Variants in PDE7B observed in about 807,000 individuals in gnomAD.
The protein encoded by PDE7B is phosphodiesterase 7B.
In PDE7B, 29 loss-of-function variants were observed where a neutral mutation model predicts 56.2. The observed-to-expected ratio is 0.52, with a 90% CI of 0.38 to 0.70. The LOEUF is 0.70. Ranked by LOEUF, PDE7B falls within the 30% of genes least tolerant of loss-of-function variation. The probability of loss-of-function intolerance (pLI) is 0.00; values close to 1 mark genes in which losing one functional copy is unlikely to be tolerated. For synonymous variants in PDE7B, 197 were observed against 196.9 expected (o/e 1.00, Z 0.00); for missense variants, 490 against 565.0 (o/e 0.87, Z 1.35).
At chr6:136,095,869 TA>T (rs762934907) in intron 2 of PDE7B, 1 of 152,234 alleles carries the variant, frequency 6.6e-6, no homozygotes, top group Non-Finnish European at 1.5e-5. Context: ...TATTTTAAAC[TA>T]TTACCTAGCA....
rs552744832 is a variant in PDE7B at position 136,096,670 on chromosome 6, A to G, written c.83-12061A>G. On this transcript the variant is annotated intron_variant, in intron 2 of 12. Coordinates refer to ENST00000308191, the MANE Select transcript of PDE7B (RefSeq NM_018945.4). ...ATTAATAATATTTTTAGAAATTACT[A>G]TTATTCTTAAGATCAGCATAATTTT... Among the ~76,000 whole-genome samples the G allele has an allele frequency of 1.2e-4, 19 of 152,074 alleles. No homozygotes were observed. In the South Asian group the frequency reaches 3.7e-3, roughly 30 times the overall value.
intron 3 of PDE7B, among the ~76,000 whole-genome samples, chr6:136,127,818 A>C (rs920699558): frequency 2.0e-5 from 3 of 152,226 alleles, no homozygotes; most frequent in Non-Finnish European, 4.4e-5. Context: ...TCATGCTGAG[A>C]AATTTGCAAC....
intron 11 of PDE7B, among the ~76,000 whole-genome samples, chr6:136,184,022 T>C (rs2128451792): frequency 6.6e-6 from 1 of 152,344 alleles, no homozygotes; most frequent in Non-Finnish European, 1.5e-5. Context: ...TAACTACAGA[T>C]TGATATCATC....
intron 2 of PDE7B, among the ~76,000 whole-genome samples, chr6:135,950,877 G>A (rs990472842): frequency 2.6e-5 from 4 of 152,068 alleles, no homozygotes; most frequent in Non-Finnish European, 2.9e-5. Context: ...GACTCATTCC[G>A]TTAAATGAGA....
chr6:135,928,619 T>G (rs1774243245), intron 1 of PDE7B, among the ~76,000 whole-genome samples: 1 of 149,000 alleles, frequency 6.7e-6, no homozygotes. Flanking sequence ...GAATACTACT[T>G]AGCCATAAAA....
intron 2 of PDE7B, among the ~76,000 whole-genome samples, chr6:136,085,120 C>T (rs141182438): frequency 6.6e-6 from 1 of 152,244 alleles, no homozygotes; most frequent in African/African-American, 2.4e-5. Flanking sequence ...CGAGCCTCAC[C>T]GAACTTTTCC....
chr6:135,852,715 ACTT>A (rs1483110489), intron 1 of PDE7B, among the ~76,000 whole-genome samples: 1 of 152,192 alleles, frequency 6.6e-6, no homozygotes, highest in Non-Finnish European at 1.5e-5. Context: ...GGAAAGTAAA[ACTT>A]CTTTATTACC....
Position 136,079,098 on chromosome 6 carries a change from A to G in PDE7B, c.83-29633A>G, listed in dbSNP as rs560000927. ...AATCCATTCTAAGTTGAAATCTTCAACTTACAATGGGTTTATCTGGGTGTA... is the reference window on the plus strand; with the variant it reads ...AATCCATTCTAAGTTGAAATCTTCAGCTTACAATGGGTTTATCTGGGTGTA... On this transcript the variant is annotated intron_variant, in intron 2 of 12. Transcript: ENST00000308191. Among the ~76,000 whole-genome samples, 24 of 152,274 alleles carry G rather than the reference A, an allele frequency of 1.6e-4. No individual in the cohort carries two copies. In the South Asian group the frequency reaches 5.0e-3, roughly 32 times the overall value.
At chr6:135,974,787 C>T (rs1312760161) in intron 2 of PDE7B, among the ~76,000 whole-genome samples, 2 of 152,190 alleles carry the variant, frequency 1.3e-5, no homozygotes. Flanking sequence ...AATCTGGAGT[C>T]CTCCTGGTGT....
chr6:135,858,686 T>C lies in PDE7B; in HGVS notation c.21+6667T>C, dbSNP rs190420404. ...TGAGGGGCTTGGTCAAGCTCAAAGTTCCTTTGATCTGGGTCTAAGAAACTT... is the reference window on the plus strand; with the variant it reads ...TGAGGGGCTTGGTCAAGCTCAAAGTCCCTTTGATCTGGGTCTAAGAAACTT... On this transcript the variant is annotated intron_variant, in intron 1 of 12. Coordinates refer to ENST00000308191, the MANE Select transcript of PDE7B (RefSeq NM_018945.4). Among the ~76,000 whole-genome samples the C allele has an allele frequency of 1.1e-4, 16 of 152,128 alleles. No individual in the cohort carries two copies. In the East Asian group the frequency reaches 2.3e-3, roughly 22 times the overall value.
intron 2 of PDE7B, among the ~76,000 whole-genome samples, chr6:135,973,621 C>A (rs1775132523): frequency 6.6e-6 from 1 of 152,192 alleles, no homozygotes; most frequent in Non-Finnish European, 1.5e-5. Flanking sequence ...TTCTCCACAT[C>A]CTCACCAACA....
intron 1 of PDE7B, among the ~76,000 whole-genome samples, chr6:135,872,564 T>C (rs1264675834): frequency 6.6e-6 from 1 of 152,196 alleles, no homozygotes; most frequent in Non-Finnish European, 1.5e-5. Context: ...GTTTCCTTTC[T>C]ATACTGTCAG....
At chr6:135,931,203 C>T (rs1012822326) in intron 1 of PDE7B, among the ~76,000 whole-genome samples, 1 of 152,168 alleles carries the variant, frequency 6.6e-6, no homozygotes, top group Non-Finnish European at 1.5e-5. Flanking sequence ...GTTAAAGATA[C>T]TCAAGACCAG....
chr6:136,181,995 G>A (rs1171716547), intron 11 of PDE7B, among the ~76,000 whole-genome samples: 1 of 152,124 alleles, frequency 6.6e-6, no homozygotes, highest in Non-Finnish European at 1.5e-5. Flanking sequence ...GTTTCTTCAG[G>A]CTGGGTTTCA....
At chr6:136,171,431 C>A (rs78756292) in intron 8 of PDE7B, among the ~76,000 whole-genome samples, 9 of 152,214 alleles carry the variant, frequency 5.9e-5, no homozygotes, top group East Asian at 3.9e-4. Flanking sequence ...ATAATGACTG[C>A]GACTCAGGAG....
chr6:136,173,091 T>C (rs1778919213), intron 8 of PDE7B, among the ~76,000 whole-genome samples: 1 of 151,514 alleles, frequency 6.6e-6, no homozygotes, highest in Non-Finnish European at 1.5e-5. Context: ...AGGTAATTTA[T>C]AGATTCAATG....
At chr6:136,090,568 T>C (rs999743474) in intron 2 of PDE7B, among the ~76,000 whole-genome samples, 1 of 152,262 alleles carries the variant, frequency 6.6e-6, no homozygotes, top group African/African-American at 2.4e-5. Flanking sequence ...TAGTACATTT[T>C]ATTATTTTTG....
At chr6:136,169,307 CATA>C (rs1019593310) in intron 8 of PDE7B, among the ~76,000 whole-genome samples, 8 of 152,134 alleles carry the variant, frequency 5.3e-5, no homozygotes, top group African/African-American at 1.9e-4. Context: ...TGCTTTCATG[CATA>C]ATGACTCTTC....
chr6:136,128,484 C>G (rs17065287), intron 3 of PDE7B, among the ~76,000 whole-genome samples: 7,137 of 152,132 alleles, frequency 0.047, 585 homozygotes, highest in African/African-American at 0.16. Flanking sequence ...TTGGTACTCT[C>G]TTTCTCTGCT....
Sources: allele counts gnomAD v4.1 joint callset (sites outside exome capture counted in the v4.1 genomes callset), GRCh38; gene constraint gnomAD v4.1.1; transcripts MANE v1.5; gene names NCBI Gene and HGNC (gene_info 2026-07-23, HGNC 2026-07-21).